Variants in KIAA1549 observed in about 807,000 individuals in gnomAD.
KIAA1549 encodes KIAA1549.
A neutral mutation model predicts 156.4 loss-of-function variants in KIAA1549; 70 were observed. The observed-to-expected ratio is 0.45, with a 90% confidence interval of 0.37 to 0.55. The LOEUF (loss-of-function observed/expected upper bound fraction) is 0.55, where lower values mean the gene tolerates loss of function less well. Among genes scored for constraint, KIAA1549 ranks in the 20% least tolerant of loss-of-function variants. The pLI is 0.00. For missense variants in KIAA1549, 2,428 were observed against 2,540.9 expected (o/e 0.96, Z 0.96); for synonymous variants, 1,103 against 1,066.4 (o/e 1.03, Z -0.67).
chr7:138,917,095 A>G lies in KIAA1549; in HGVS notation c.2531T>C (p.Leu844Pro). 1 of 1,609,992 alleles carries G rather than the reference A, an allele frequency of 6.2e-7. No homozygotes were observed. The highest frequency in any genetic ancestry group is 8.5e-7 in the Non-Finnish European group (1 of 1,178,106). Residue 844 changes from leucine to proline, a missense_variant, in exon 2 of 20, where the codon CTG (leucine) becomes CCG (proline). Coordinates refer to ENST00000422774, the MANE Select transcript of KIAA1549 (RefSeq NM_001164665.2). ...TGTVLITDAYLPSGSSFVSEA... is the reference protein window; with the variant it reads ...TGTVLITDAYPPSGSSFVSEA... Reference sequence around the variant, plus strand: ...AGAAACAAACGAGGATCCTGATGGCAGGTACGCGTCAGTGATCAACACCGT... The same window carrying G: ...AGAAACAAACGAGGATCCTGATGGCGGGTACGCGTCAGTGATCAACACCGT...
chr7:138,953,115 G>A (rs1038975743), intron 1 of KIAA1549, among the ~76,000 whole-genome samples: 4 of 152,180 alleles, frequency 2.6e-5, no homozygotes, highest in African/African-American at 4.8e-5. Flanking sequence ...CAGCACTTTC[G>A]GAGGCCGAGG....
chr7:138,845,640 T>G (rs1014553880), intron 17 of KIAA1549, among the ~76,000 whole-genome samples: 3 of 152,214 alleles, frequency 2.0e-5, no homozygotes, highest in Non-Finnish European at 4.4e-5. Flanking sequence ...CACTGAGTTA[T>G]GCAACCTTCT....
At chr7:138,874,081 C>G (rs910234758) in intron 12 of KIAA1549, among the ~76,000 whole-genome samples, 1 of 147,124 alleles carries the variant, frequency 6.8e-6, no homozygotes, top group African/African-American at 2.5e-5. Flanking sequence ...ACTTCTATAT[C>G]ATATATTAAT....
At chr7:138,934,760 A>G (rs1221932489) in intron 1 of KIAA1549, among the ~76,000 whole-genome samples, 1 of 152,228 alleles carries the variant, frequency 6.6e-6, no homozygotes, top group Non-Finnish European at 1.5e-5. Context: ...CCCTATGTAT[A>G]TGCTATGAGG....
At chr7:138,885,389 T>C (rs1811361429) in intron 10 of KIAA1549, among the ~76,000 whole-genome samples, 1 of 152,188 alleles carries the variant, frequency 6.6e-6, no homozygotes, top group Non-Finnish European at 1.5e-5. Context: ...ATTCTGCTCA[T>C]AGCCCTAGCA....
intron 10 of KIAA1549, among the ~76,000 whole-genome samples, chr7:138,884,064 G>C (rs1026833242): frequency 3.3e-5 from 5 of 152,162 alleles, no homozygotes; most frequent in African/African-American, 1.2e-4. Context: ...GGGGCTGAAG[G>C]TTAAGTTGAT....
chr7:138,953,413 T>C (rs1235025517), intron 1 of KIAA1549, among the ~76,000 whole-genome samples: 1 of 152,026 alleles, frequency 6.6e-6, no homozygotes, highest in Non-Finnish European at 1.5e-5. Context: ...CTCTACTTTT[T>C]AAGCACAATA....
intron 2 of KIAA1549, among the ~76,000 whole-genome samples, chr7:138,914,304 C>T (rs1812253689): frequency 6.6e-6 from 1 of 152,176 alleles, no homozygotes; most frequent in South Asian, 2.1e-4. Flanking sequence ...GAAAAGGGAT[C>T]ATCAGCAAAC....
chr7:138,835,325 G>C lies in KIAA1549; in HGVS notation c.*2581C>G, dbSNP rs1809676446. ...CAGAGGGCTGGTGATCCGGGGGCCT[G>C]CTCACACCACACCATAACCACCGGC... On this transcript the variant is annotated 3_prime_UTR_variant, in exon 20 of 20. Coordinates refer to ENST00000422774, the MANE Select transcript of KIAA1549 (RefSeq NM_001164665.2). 9.3e-6 allele frequency: 2 copies of C among 214,980 alleles called. No individual in the cohort carries two copies. The highest frequency in any genetic ancestry group is 1.9e-5 in the Non-Finnish European group (2 of 106,602). The allele number at this position is 214,980 out of a possible 1,614,324, so 13.3% of individuals were successfully genotyped here.
intron 12 of KIAA1549, among the ~76,000 whole-genome samples, chr7:138,878,456 A>C (rs1328518116): frequency 6.6e-6 from 1 of 152,208 alleles, no homozygotes; most frequent in Admixed American, 6.5e-5. Context: ...AAGTATAAAA[A>C]TTCCTATTAA....
At chr7:138,877,183 A>G (rs763810661) in intron 12 of KIAA1549, among the ~76,000 whole-genome samples, 1 of 152,238 alleles carries the variant, frequency 6.6e-6, no homozygotes, top group Non-Finnish European at 1.5e-5. Flanking sequence ...TTTCAACAAA[A>G]GAAATATTTT....
chr7:138,952,944 C>T (rs923753331), intron 1 of KIAA1549, among the ~76,000 whole-genome samples: 5 of 152,074 alleles, frequency 3.3e-5, no homozygotes, highest in African/African-American at 1.2e-4. Context: ...CTCCTATCAC[C>T]ATTCTCCTAT....
At chr7:138,974,587 A>AT (rs1554430363) in intron 1 of KIAA1549, among the ~76,000 whole-genome samples, 2 of 151,464 alleles carry the variant, frequency 1.3e-5, no homozygotes, top group African/African-American at 2.4e-5. Flanking sequence ...ATGCCTGGCT[A>AT]TTTTTTTGTG....
At chr7:138,853,262 A>G (rs1302714744) in intron 16 of KIAA1549, among the ~76,000 whole-genome samples, 2 of 152,220 alleles carry the variant, frequency 1.3e-5, no homozygotes, top group African/African-American at 4.8e-5. Context: ...GCTGTCATTT[A>G]CTGAATTAGT....
intron 1 of KIAA1549, among the ~76,000 whole-genome samples, chr7:138,924,509 G>A (rs1812657433): frequency 6.6e-6 from 1 of 152,178 alleles, no homozygotes; most frequent in South Asian, 2.1e-4. Context: ...GGTATCTGAT[G>A]CAAGCTAGAA....
chr7:138,929,731 C>T (rs965052384), intron 1 of KIAA1549, among the ~76,000 whole-genome samples: 1 of 151,948 alleles, frequency 6.6e-6, no homozygotes, highest in African/African-American at 2.4e-5. Flanking sequence ...GCTCTATTTC[C>T]CAAGCTGGAA....
chr7:138,884,856 A>G (rs1206972945), intron 10 of KIAA1549, among the ~76,000 whole-genome samples: 1 of 152,194 alleles, frequency 6.6e-6, no homozygotes, highest in Admixed American at 6.5e-5. Context: ...CCGAGCTTCT[A>G]TGTATTGGGT....
intron 1 of KIAA1549, among the ~76,000 whole-genome samples, chr7:138,942,254 A>G (rs1460058581): frequency 6.6e-6 from 1 of 152,170 alleles, no homozygotes; most frequent in Non-Finnish European, 1.5e-5. Context: ...GCTCTGTACA[A>G]AAATTTTCAT....
chr7:138,963,418 T>C (rs1177718324), intron 1 of KIAA1549, among the ~76,000 whole-genome samples: 6 of 152,174 alleles, frequency 3.9e-5, no homozygotes, highest in African/African-American at 1.4e-4. Flanking sequence ...TATATCTTGT[T>C]TTCCTCTCGG....
Sources: gnomAD v4.1 joint callset for allele counts (sites outside exome capture counted in the v4.1 genomes callset) on GRCh38, gnomAD v4.1.1 for gene constraint, MANE v1.5 for transcripts, NCBI Gene and HGNC (gene_info 2026-07-23, HGNC 2026-07-21) for gene names.